The following AGBL1 variants were observed in gnomAD, a reference collection of about 807,000 sequenced individuals.
AGBL1 encodes cytosolic carboxypeptidase 4.
In AGBL1, 130 loss-of-function variants were observed where a neutral mutation model predicts 118.9. That is an observed-to-expected ratio of 1.09 (90% CI 0.95 to 1.26). The LOEUF (loss-of-function observed/expected upper bound fraction) is 1.26, where lower values mean the gene tolerates loss of function less well. Ranked by LOEUF, AGBL1 falls within the 50% of genes most tolerant of loss-of-function variation. AGBL1 has a pLI of 0.00. For missense variants in AGBL1, 1,584 were observed against 1,298.1 expected (o/e 1.22, Z -3.38); for synonymous variants, 555 against 478.9 (o/e 1.16, Z -2.08).
At chr15:86,134,499 T>A (rs2076859333) in intron 1 of AGBL1, among the ~76,000 whole-genome samples, 1 of 152,112 alleles carries the variant, frequency 6.6e-6, no homozygotes, top group African/African-American at 2.4e-5. Flanking sequence ...ACTGTTTTTT[T>A]CCCAGTCTAG....
At chr15:86,400,809 GAT>G (rs138525923) in intron 18 of AGBL1, among the ~76,000 whole-genome samples, 6,673 of 150,450 alleles carry the variant, frequency 0.044, 232 homozygotes, top group East Asian at 0.15. Flanking sequence ...ATGCCATGCT[GAT>G]ATATATATAT....
chr15:86,224,134 C>G (rs2078321840), intron 5 of AGBL1, among the ~76,000 whole-genome samples: 1 of 152,088 alleles, frequency 6.6e-6, no homozygotes, highest in Admixed American at 6.5e-5. Context: ...CACACAGAAT[C>G]TTCTATTTTT....
At chr15:86,752,554 G>A (rs2077871100) in intron 22 of AGBL1, among the ~76,000 whole-genome samples, 1 of 152,088 alleles carries the variant, frequency 6.6e-6, no homozygotes, top group Non-Finnish European at 1.5e-5. Flanking sequence ...ATGCTTTAGG[G>A]AGAATGCAGG....
chr15:86,186,177 A>T (rs933433255), intron 5 of AGBL1, among the ~76,000 whole-genome samples: 1 of 152,108 alleles, frequency 6.6e-6, no homozygotes, highest in African/African-American at 2.4e-5. Context: ...GAATGATGAG[A>T]ACACATGGAC....
chr15:86,673,419 G>C (rs538175884), intron 21 of AGBL1, among the ~76,000 whole-genome samples: 3 of 152,128 alleles, frequency 2.0e-5, no homozygotes, highest in Admixed American at 6.5e-5. Flanking sequence ...CACCACAATG[G>C]AGTCTCTTCT....
At chr15:86,345,109 A>G (rs1339308777) in intron 17 of AGBL1, among the ~76,000 whole-genome samples, 1 of 152,200 alleles carries the variant, frequency 6.6e-6, no homozygotes, top group Non-Finnish European at 1.5e-5. Context: ...AAATCATGTC[A>G]AAAGTTCTTT....
chr15:86,515,095 T>A (rs1233622349), intron 18 of AGBL1, among the ~76,000 whole-genome samples: 1 of 152,202 alleles, frequency 6.6e-6, no homozygotes, highest in Admixed American at 6.5e-5. Context: ...CCTTTACTGT[T>A]TGAGTTAATA....
chr15:86,682,638 C>T (rs1017436454), intron 22 of AGBL1, among the ~76,000 whole-genome samples: 3 of 151,950 alleles, frequency 2.0e-5, no homozygotes, highest in East Asian at 1.9e-4. Context: ...TTATTATGCA[C>T]ATATTTATAT....
chr15:86,255,043 C>G (rs1352091827), intron 7 of AGBL1, among the ~76,000 whole-genome samples: 13 of 152,112 alleles, frequency 8.5e-5, no homozygotes, highest in Admixed American at 8.5e-4. Flanking sequence ...TTGTTCCATT[C>G]CACCAACAAA....
intron 22 of AGBL1, among the ~76,000 whole-genome samples, chr15:86,712,939 T>C (rs1048889247): frequency 6.6e-6 from 1 of 152,146 alleles, no homozygotes; most frequent in Non-Finnish European, 1.5e-5. Flanking sequence ...CTGGTCTGCA[T>C]GATGCGATTT....
At chr15:86,463,441 T>G (rs1567005533) in intron 18 of AGBL1, among the ~76,000 whole-genome samples, 1 of 152,220 alleles carries the variant, frequency 6.6e-6, no homozygotes, top group African/African-American at 2.4e-5. Flanking sequence ...CTCTTTAGTT[T>G]AATCATATCT....
chr15:86,999,288 G>A (rs1207088176), intron 24 of AGBL1, among the ~76,000 whole-genome samples: 1 of 151,378 alleles, frequency 6.6e-6, no homozygotes. Flanking sequence ...AGTTACATGT[G>A]TGTACATGTG....
intron 22 of AGBL1, among the ~76,000 whole-genome samples, chr15:86,904,866 T>C (rs1398360889): frequency 6.6e-6 from 1 of 152,108 alleles, no homozygotes; most frequent in Non-Finnish European, 1.5e-5. Flanking sequence ...TCAGCAACTC[T>C]TTATTGCATG....
intron 22 of AGBL1, among the ~76,000 whole-genome samples, chr15:86,787,524 T>C (rs1341536458): frequency 6.6e-6 from 1 of 152,188 alleles, no homozygotes; most frequent in African/African-American, 2.4e-5. Flanking sequence ...CATGCAGTAT[T>C]TTTATCTGGG....
chr15:86,397,962 G>T (rs137965844), intron 18 of AGBL1, among the ~76,000 whole-genome samples: 1 of 152,250 alleles, frequency 6.6e-6, no homozygotes, highest in African/African-American at 2.4e-5. Context: ...AAATCACATG[G>T]TGGGTTAATG....
intron 1 of AGBL1, among the ~76,000 whole-genome samples, chr15:86,118,863 AAGCATAATAATAGCAACTCCCATTTATGT>A (rs1246556969): frequency 6.6e-6 from 1 of 152,180 alleles, no homozygotes; most frequent in Non-Finnish European, 1.5e-5. Flanking sequence ...CTCTTGGCAT[AAGCATAATAATAGCAACTCCCATTTATGT>A]AGCATCCACT....
Position 86,911,722 on chromosome 15 carries a change from T to A in AGBL1, c.*4428T>A, listed in dbSNP as rs1178591918. 6.6e-6 allele frequency: 1 copy of A among 152,224 alleles called. No individual in the cohort carries two copies. Among genetic ancestry groups the A allele is most frequent in the African/African-American group, 2.4e-5 (1 of 41,450 alleles). The allele number at this position is 152,224 out of a possible 1,614,324, so 9.4% of individuals were successfully genotyped here. ...CATTTTCACATTTTTCCTCTGCCTCTGATAAGAATCTCCCATTCTCTCATT... is the reference window on the plus strand; with the variant it reads ...CATTTTCACATTTTTCCTCTGCCTCAGATAAGAATCTCCCATTCTCTCATT... On this transcript the variant is annotated 3_prime_UTR_variant, in exon 23 of 23. Transcript: ENST00000614907.
intron 24 of AGBL1, among the ~76,000 whole-genome samples, chr15:86,998,869 A>G (rs181168092): frequency 4.0e-5 from 6 of 151,034 alleles, no homozygotes; most frequent in Non-Finnish European, 1.5e-5. Flanking sequence ...ATATATATAT[A>G]TTTTTTATTA....
chr15:86,135,440 C>G (rs2076876464), intron 1 of AGBL1, among the ~76,000 whole-genome samples: 1 of 152,198 alleles, frequency 6.6e-6, no homozygotes. Flanking sequence ...ATAGTTGGCA[C>G]TCTGTATTTG....
Sources: allele counts gnomAD v4.1 joint callset (sites outside exome capture counted in the v4.1 genomes callset), GRCh38; gene constraint gnomAD v4.1.1; transcripts MANE v1.5; gene names NCBI Gene and HGNC (gene_info 2026-07-23, HGNC 2026-07-21).